Variants in DAB2IP observed in about 807,000 individuals in gnomAD.
The protein encoded by DAB2IP is DAB2 interacting protein, also known as disabled homolog 2-interacting protein.
A neutral mutation model predicts 107.2 loss-of-function variants in DAB2IP; 28 were observed. The ratio of observed to expected loss-of-function variants is 0.26; its 90% CI spans 0.19 to 0.36. The LOEUF is 0.36. DAB2IP is among the 10% of genes least tolerant of loss of function. DAB2IP has a pLI of 1.00. For missense variants in DAB2IP, 1,400 were observed against 1,644.7 expected, an observed-to-expected ratio of 0.85 and a Z score of 2.57; for synonymous variants, 755 against 706.4, an observed-to-expected ratio of 1.07 and a Z score of -1.09.
chr9:121,702,009 C>T lies in DAB2IP; in HGVS notation c.362+2551C>T, dbSNP rs970396304. Among the ~76,000 whole-genome samples, 2 of 152,082 alleles carry T rather than the reference C, an allele frequency of 1.3e-5. No individual in the cohort carries two copies. ...GTGGGTGGGACACGAGTGGGAAGGACGGTGGGGGCTTCTAGGGTGTCGAGC... is the reference window on the plus strand; with the variant it reads ...GTGGGTGGGACACGAGTGGGAAGGATGGTGGGGGCTTCTAGGGTGTCGAGC... On this transcript the variant is annotated intron_variant, in intron 3 of 15. Coordinates refer to ENST00000408936, the Ensembl canonical transcript of DAB2IP. The surrounding 1 kb of genome is among the most constrained non-coding windows in gnomAD (Gnocchi z 4.5).
intron 1 of DAB2IP, among the ~76,000 whole-genome samples, chr9:121,621,950 T>C (rs1831483722): frequency 6.6e-6 from 1 of 150,578 alleles, no homozygotes; most frequent in Non-Finnish European, 1.5e-5. Flanking sequence ...CCACCATGCC[T>C]GACCCTGTTT....
exon 16 of DAB2IP, chr9:121,784,548 A>AAAG (rs2119054074): frequency 6.5e-6 from 1 of 154,844 alleles, no homozygotes; most frequent in African/African-American, 2.4e-5. Flanking sequence ...AAAAACTGTA[A>AAAG]AAGTGTACAG....
intron 3 of DAB2IP, among the ~76,000 whole-genome samples, chr9:121,742,265 TA>T (rs577727711): frequency 1.3e-5 from 2 of 152,062 alleles, no homozygotes; most frequent in Non-Finnish European, 2.9e-5. Context: ...CCGTCTCTAC[TA>T]AAAAAATACA....
rs752296488 is a variant in DAB2IP, at chr9:121,760,478, G to A, written c.1170+39G>A. On this transcript the variant is annotated intron_variant, in intron 6 of 15. Coordinates refer to ENST00000408936, the Ensembl canonical transcript of DAB2IP. The surrounding 1 kb of genome is among the most constrained non-coding windows in gnomAD (Gnocchi z 5.9). ...CCTCGGCTCCTGACACAGGCTGGGC[G>A]GCAGCACTGGGTTACCTGCCCTTCC... 20 of 1,527,674 alleles carry A rather than the reference G, an allele frequency of 1.3e-5. No homozygotes were observed. Among genetic ancestry groups the A allele is most frequent in the African/African-American group, 2.7e-5 (2 of 73,194 alleles). 94.6% of individuals were successfully genotyped at this position (1,527,674 alleles called of 1,614,324 possible).
intron 1 of DAB2IP, among the ~76,000 whole-genome samples, chr9:121,637,115 C>T (rs1422459952): frequency 6.6e-6 from 1 of 152,204 alleles, no homozygotes; most frequent in African/African-American, 2.4e-5. Context: ...AAGACTTTCC[C>T]CCAGGGAGCT....
chr9:121,781,604 G>A (rs1835656520), intron 15 of DAB2IP, 53 bp downstream of exon 15: 3 of 1,573,454 alleles, frequency 1.9e-6, no homozygotes, highest in Admixed American at 3.3e-5. Flanking sequence ...CCTGGGATTA[G>A]GAGGGGTGAC....
chr9:121,758,961 A>G (rs1833685035), exon 5 of DAB2IP: 1 of 1,613,622 alleles, frequency 6.2e-7, no homozygotes, highest in East Asian at 2.2e-5. Flanking sequence ...GGATAAGTGG[A>G]TGGAGAACCT....
chr9:121,643,231 G>A (rs1832424258), intron 1 of DAB2IP, among the ~76,000 whole-genome samples: 1 of 152,052 alleles, frequency 6.6e-6, no homozygotes, highest in African/African-American at 2.4e-5. Context: ...ATGGCATCCA[G>A]TCCAGCCCCA....
At chr9:121,644,423 C>A (rs1832467151) in intron 1 of DAB2IP, among the ~76,000 whole-genome samples, 1 of 151,870 alleles carries the variant, frequency 6.6e-6, no homozygotes, top group African/African-American at 2.4e-5. Flanking sequence ...ATGGCGAAAC[C>A]CCGTCTCTAC....
chr9:121,575,900 G>T (rs1159978490), intron 1 of DAB2IP, among the ~76,000 whole-genome samples: 1 of 151,982 alleles, frequency 6.6e-6, no homozygotes, highest in Non-Finnish European at 1.5e-5. Context: ...GGTGTAGGGA[G>T]ACCCAAGGGG....
At chr9:121,734,968 C>G (rs1331929199) in intron 3 of DAB2IP, among the ~76,000 whole-genome samples, 1 of 152,206 alleles carries the variant, frequency 6.6e-6, no homozygotes, top group East Asian at 1.9e-4. Context: ...AGGATGCACT[C>G]TGCTTTCGCC....
intron 1 of DAB2IP, among the ~76,000 whole-genome samples, chr9:121,667,773 C>T (rs768066554): frequency 6.6e-6 from 1 of 152,088 alleles, no homozygotes; most frequent in Non-Finnish European, 1.5e-5. Context: ...GTTGGGATTA[C>T]AGGCGTGAGC....
At chr9:121,771,840 A>G (rs538364147) in intron 11 of DAB2IP, among the ~76,000 whole-genome samples, 5 of 151,768 alleles carry the variant, frequency 3.3e-5, no homozygotes, top group African/African-American at 1.2e-4. Flanking sequence ...TCCAAGCCAT[A>G]TCAAGCCCCC....
chr9:121,690,390 C>T (rs1490150715), intron 2 of DAB2IP, among the ~76,000 whole-genome samples: 7 of 152,102 alleles, frequency 4.6e-5, no homozygotes, highest in African/African-American at 1.4e-4. Context: ...CTGGTGGAAT[C>T]GGCTTCCTTG....
At chr9:121,729,256 C>A (rs1831391090) in intron 3 of DAB2IP, among the ~76,000 whole-genome samples, 1 of 152,232 alleles carries the variant, frequency 6.6e-6, no homozygotes, top group African/African-American at 2.4e-5. Context: ...GCTCTTTCCA[C>A]TGGCTAGCAC....
intron 2 of DAB2IP, among the ~76,000 whole-genome samples, chr9:121,692,294 G>T (rs1421093692): frequency 6.6e-6 from 1 of 152,100 alleles, no homozygotes; most frequent in African/African-American, 2.4e-5. Context: ...TGTGTGTGCT[G>T]ATCAATGTGT....
At chr9:121,737,935 A>T (rs1832045000) in intron 3 of DAB2IP, among the ~76,000 whole-genome samples, 1 of 149,748 alleles carries the variant, frequency 6.7e-6, no homozygotes, top group Admixed American at 6.7e-5. Context: ...TGAATGGGGG[A>T]CTCCCTTGGA....
chr9:121,585,329 A>G (rs1018014491), intron 1 of DAB2IP, among the ~76,000 whole-genome samples: 3 of 152,058 alleles, frequency 2.0e-5, no homozygotes, highest in Admixed American at 6.6e-5. Flanking sequence ...TCTGTCCCTT[A>G]CTAGATAGAT....
chr9:121,753,664 G>C (rs1833285746), intron 3 of DAB2IP, among the ~76,000 whole-genome samples: 2 of 152,214 alleles, frequency 1.3e-5, no homozygotes. Flanking sequence ...GAATACTCCT[G>C]GCAGGGCTGT....
Sources: allele counts gnomAD v4.1 joint callset (sites outside exome capture counted in the v4.1 genomes callset), GRCh38; gene constraint gnomAD v4.1.1; non-coding constraint Gnocchi (gnomAD v3.1); transcripts MANE v1.5; gene names NCBI Gene and HGNC (gene_info 2026-07-23, HGNC 2026-07-21).